SLC2A9: variants seen among roughly 807,000 people sequenced by gnomAD.
SLC2A9 encodes solute carrier family 2 member 9.
SLC2A9 carries 39 observed loss-of-function variants against 50.6 expected under a neutral mutation model. The observed-to-expected ratio is 0.77, with a 90% confidence interval of 0.60 to 1.01. The LOEUF (loss-of-function observed/expected upper bound fraction) is 1.01. SLC2A9 is among the 50% of genes least tolerant of loss of function. SLC2A9 has a pLI of 0.00. For synonymous variants in SLC2A9, 324 were observed against 276.9 expected (o/e 1.17, Z -1.69); for missense variants, 686 against 677.6 (o/e 1.01, Z -0.14).
rs916663088 is a variant in SLC2A9, at chr4:9,812,079, A to G, written n.421-12838T>C. On this transcript the variant is annotated intron_variant and non_coding_transcript_variant, in intron 3 of 3. Coordinates refer to the SLC2A9 transcript ENST00000503280. Reference sequence around the variant, plus strand: ...AGATTATGTCACTGGTAACTGAAAGAGTCCTAAGTAATAAACATTCATTTG... The same window carrying G: ...AGATTATGTCACTGGTAACTGAAAGGGTCCTAAGTAATAAACATTCATTTG... 5.9e-5 allele frequency among the ~76,000 whole-genome samples: 9 copies of G among 152,210 alleles called. 1 individual carries two copies. The highest frequency in any genetic ancestry group is 2.2e-4 in the African/African-American group (9 of 41,460).
intron 1 of SLC2A9, among the ~76,000 whole-genome samples, chr4:10,030,148 TG>T (rs1264982719): frequency 6.6e-6 from 1 of 152,194 alleles, no homozygotes; most frequent in Non-Finnish European, 1.5e-5. Flanking sequence ...CCTAATCTAT[TG>T]TACAGTATGA....
At chr4:9,801,526 A>G (rs1577324482) in intron 3 of SLC2A9, among the ~76,000 whole-genome samples, 5 of 152,350 alleles carry the variant, frequency 3.3e-5, no homozygotes, top group Admixed American at 2.0e-4. Flanking sequence ...GCTCTGAAGC[A>G]TAAGTGGCTG....
At chr4:10,005,235 C>T (rs2109367643) in intron 2 of SLC2A9, among the ~76,000 whole-genome samples, 1 of 152,322 alleles carries the variant, frequency 6.6e-6, no homozygotes, top group Admixed American at 6.5e-5. Context: ...GCAAGAAGGG[C>T]AGACGGAGTG....
intron 10 of SLC2A9, among the ~76,000 whole-genome samples, chr4:9,875,432 G>T (rs190541292): frequency 6.6e-6 from 1 of 152,336 alleles, no homozygotes; most frequent in African/African-American, 2.4e-5. Context: ...CTTGTGCAGT[G>T]CACACCCTGA....
At chr4:9,775,181 C>T (rs946442621), downstream of SLC2A9, among the ~76,000 whole-genome samples, 2 of 152,210 alleles carry the variant, frequency 1.3e-5, no homozygotes, top group African/African-American at 4.8e-5. Flanking sequence ...TTTCTGGGAG[C>T]TCAGTTGTGC....
chr4:9,802,549 T>C (rs1445425177), intron 3 of SLC2A9, among the ~76,000 whole-genome samples: 2 of 146,416 alleles, frequency 1.4e-5, no homozygotes, highest in Non-Finnish European at 3.0e-5. Context: ...GAGGTTTTTT[T>C]TGTTCTTTTC....
At chr4:9,879,649 T>C (rs934743615) in intron 10 of SLC2A9, 6 of 985,394 alleles carry the variant, frequency 6.1e-6, no homozygotes, top group Non-Finnish European at 6.0e-6. Context: ...ACCTTGATAA[T>C]GGCAGTGGCC....
At position 9,782,614 on chromosome 4, in the gene SLC2A9, C is replaced by T. The variant is rs765976922; in HGVS notation, n.386-2549G>A. 1.6e-5 allele frequency: 26 copies of T among 1,613,882 alleles called. No homozygotes were observed. The Admixed American group carries it at 2.8e-4, about 18-fold the overall frequency. On this transcript the variant is annotated intron_variant and non_coding_transcript_variant, in intron 3 of 3. Coordinates refer to the SLC2A9 transcript ENST00000503803. ...CTTGGGGCGGGCTGGACCTGCCAAA[C>T]AACCTGGCCAACTGGACGCCCTGGG...
chr4:9,781,515 T>C (rs1470232396), intron 3 of SLC2A9, among the ~76,000 whole-genome samples: 1 of 146,320 alleles, frequency 6.8e-6, no homozygotes, highest in Non-Finnish European at 1.5e-5. Flanking sequence ...CCCTACACTC[T>C]GGCGCGCTGA....
Position 10,018,840 on chromosome 4 carries a change from G to T in SLC2A9, c.249+135C>A, listed in dbSNP as rs1393671857. The T allele has an allele frequency of 6.3e-6, 5 of 792,790 alleles. No homozygotes were observed. In the East Asian group the frequency reaches 8.1e-5, roughly 13 times the overall value. 49.1% of individuals were successfully genotyped at this position (792,790 alleles called of 1,614,324 possible). A position where few individuals can be genotyped will look rare whatever the true frequency, so the allele number is the denominator to read the frequency against. ...CTGTGCCTCCCCTCTCCCCCGAGTGGGGGCTAATCTCTGTCCCCGCGGTGT... is the reference window on the plus strand; with the variant it reads ...CTGTGCCTCCCCTCTCCCCCGAGTGTGGGCTAATCTCTGTCCCCGCGGTGT... On this transcript the variant is annotated intron_variant, in intron 2 of 11. Transcript: ENST00000264784.
chr4:9,822,577 G>A (rs1452159521), downstream of SLC2A9, among the ~76,000 whole-genome samples: 1 of 151,954 alleles, frequency 6.6e-6, no homozygotes, highest in Non-Finnish European at 1.5e-5. Context: ...ATATCATTAT[G>A]TTTACAGTGG....
chr4:9,790,907 G>A (rs991477917), intron 3 of SLC2A9, among the ~76,000 whole-genome samples: 1 of 152,076 alleles, frequency 6.6e-6, no homozygotes, highest in African/African-American at 2.4e-5. Flanking sequence ...TATTAAATGG[G>A]CTCTTATTAA....
intron 10 of SLC2A9, among the ~76,000 whole-genome samples, chr4:9,837,163 G>A (rs1455293632): frequency 6.6e-6 from 1 of 152,178 alleles, no homozygotes; most frequent in Non-Finnish European, 1.5e-5. Context: ...TTCCCACAGA[G>A]TAGATACTCC....
intron 10 of SLC2A9, among the ~76,000 whole-genome samples, chr4:9,871,446 C>G (rs1038946019): frequency 2.6e-5 from 4 of 152,152 alleles, no homozygotes; most frequent in African/African-American, 9.7e-5. Context: ...AAACCATCCA[C>G]GCCTCTCTCC....
At chr4:9,997,223 T>C (rs1323443806) in intron 2 of SLC2A9, among the ~76,000 whole-genome samples, 1 of 152,178 alleles carries the variant, frequency 6.6e-6, no homozygotes, top group Non-Finnish European at 1.5e-5. Flanking sequence ...TGTAACAAAA[T>C]GTTTCCTCTT....
chr4:9,828,932 T>G (rs528685388), intron 11 of SLC2A9, among the ~76,000 whole-genome samples: 116 of 152,266 alleles, frequency 7.6e-4, no homozygotes, highest in Non-Finnish European at 1.4e-3. Flanking sequence ...AGTATCTTAG[T>G]GAGTGGATGG....
At position 10,021,294 on chromosome 4, in the gene SLC2A9, C is replaced by T; in HGVS notation, c.136G>A (p.Gly46Arg). Reference protein sequence around the residue: ...CDHLRSGVPGGRRRKDWSCSL... With the variant: ...CDHLRSGVPGRRRRKDWSCSL... ...TCCGTAGTTACCTTTCTTCTCCTTCCACCTGGCACCCCACTCCTCAGGTGG... is the reference window on the plus strand; with the variant it reads ...TCCGTAGTTACCTTTCTTCTCCTTCTACCTGGCACCCCACTCCTCAGGTGG... Residue 46 changes from glycine (G) to arginine (R), a missense_variant, in exon 1 of 12, where the codon GGA (glycine) becomes AGA (arginine). Transcript: ENST00000264784. The T allele has an allele frequency of 6.2e-7, 1 of 1,613,876 alleles. No individual in the cohort carries two copies. Among genetic ancestry groups the T allele is most frequent in the Non-Finnish European group, 8.5e-7 (1 of 1,180,052 alleles).
intron 2 of SLC2A9, 83 bp from the exon 3 acceptor site, chr4:9,997,024 T>C: frequency 6.6e-7 from 1 of 1,513,058 alleles, no homozygotes; most frequent in South Asian, 1.1e-5. Flanking sequence ...ACAAAACAGC[T>C]TGTACAGAGC....
At chr4:9,888,867 T>C (rs1276664340) in intron 9 of SLC2A9, among the ~76,000 whole-genome samples, 2 of 152,104 alleles carry the variant, frequency 1.3e-5, no homozygotes, top group African/African-American at 2.4e-5. Flanking sequence ...TGAGAGGAGC[T>C]TCATGGACTC....
Sources: allele counts gnomAD v4.1 joint callset (sites outside exome capture counted in the v4.1 genomes callset), GRCh38; gene constraint gnomAD v4.1.1; transcripts MANE v1.5; gene names NCBI Gene and HGNC (gene_info 2026-07-23, HGNC 2026-07-21).